Variants in CPAMD8 observed in about 807,000 individuals in gnomAD.
The protein encoded by CPAMD8 is C3 and PZP-like alpha-2-macroglobulin domain-containing protein 8.
A neutral mutation model predicts 224.7 loss-of-function variants in CPAMD8; 146 were observed. The observed-to-expected ratio is 0.65, with a 90% confidence interval of 0.57 to 0.75. The LOEUF (loss-of-function observed/expected upper bound fraction) is 0.75. Ranked by LOEUF, CPAMD8 falls within the 30% of genes least tolerant of loss-of-function variation. CPAMD8 has a pLI of 0.00. For missense variants in CPAMD8, 2,301 were observed against 2,537.5 expected (o/e 0.91, Z 2.00); for synonymous variants, 966 against 1,044.6 (o/e 0.92, Z 1.45).
In CPAMD8 at chr19:16,904,324, G is replaced by C; in HGVS notation, c.4153C>G (p.Leu1385Val). ...ACGTCACCCAGCAGAGTGTAGGTCA[G>C]AAGGGCGTAGGCTGTCATTTCCACC... ...AEVEMTAYAL[L>V]TYTLLGDVAA... Residue 1385 changes from leucine to valine, a missense_variant, in exon 32 of 42, where the codon CTG (leucine) becomes GTG (valine). Leu to Val is a conservative substitution (Grantham distance 32). This residue lies in a region of CPAMD8 where 1,709 missense variants were observed against 1,753.2 expected (regional missense o/e 0.97). Coordinates refer to ENST00000443236, the MANE Select transcript of CPAMD8 (RefSeq NM_015692.5). 1 of 1,613,788 alleles carries C rather than the reference G, an allele frequency of 6.2e-7. No individual in the cohort carries two copies. The highest frequency in any genetic ancestry group is 1.3e-5 in the African/African-American group (1 of 75,026).
intron 34 of CPAMD8, 110 bp downstream of exon 34, chr19:16,903,451 C>T (rs377151451): frequency 6.7e-6 from 10 of 1,499,636 alleles, no homozygotes; most frequent in African/African-American, 2.8e-5. Flanking sequence ...GTCTGGCATG[C>T]TGCTGAGTTC....
Position 16,970,927 on chromosome 19 carries a change from C to A in CPAMD8, c.2177G>T (p.Ser726Ile). ...CCTGGAAGGAGCCACTGCCACCAGG[C>A]TCCCTGTGTGGGGCTGGAAAGCGGG... ...AVPAFQPHTG[S>I]LVAVAPSRHP... is the part of the protein sequence containing the mutation. The change falls in exon 18 of 42, where the codon AGC becomes ATC. Residue 726 changes from serine (S) to isoleucine (I), a missense_variant. This residue lies in a region of CPAMD8 where 1,709 missense variants were observed against 1,753.2 expected (regional missense o/e 0.97). Transcript: ENST00000443236. 1 of 1,613,972 alleles carries A rather than the reference C, an allele frequency of 6.2e-7. No individual in the cohort carries two copies. The highest frequency in any genetic ancestry group is 8.5e-7 in the Non-Finnish European group (1 of 1,179,972).
rs764886562 is a variant in CPAMD8 at position 16,928,205 on chromosome 19, C to T, written c.3174G>A (p.Glu1058=). 7 of 1,613,992 alleles carry T rather than the reference C, an allele frequency of 4.3e-6. No individual in the cohort carries two copies. Among genetic ancestry groups the T allele is most frequent in the Middle Eastern group, 3.3e-4 (2 of 6,062 alleles). Residue 1058 remains glutamate, a synonymous_variant, in exon 25 of 42, where the codon GAG becomes GAA. Coordinates refer to ENST00000443236, the MANE Select transcript of CPAMD8 (RefSeq NM_015692.5). The part of the protein sequence containing the change: ...QVGHGPEPSN[E]SVIVAWTLPR... Reference sequence around the variant, plus strand: ...GGAGGGTCCAGGCCACAATGACAGACTCATTGGATGGCTCTGGACCATGGC... The same window carrying T: ...GGAGGGTCCAGGCCACAATGACAGATTCATTGGATGGCTCTGGACCATGGC...
chr19:16,953,107 C>T (rs1045203509), intron 19 of CPAMD8, among the ~76,000 whole-genome samples: 3 of 152,100 alleles, frequency 2.0e-5, no homozygotes, highest in Admixed American at 2.0e-4. Flanking sequence ...CATCAAGATA[C>T]TTTAGGGAAA....
chr19:16,993,450 G>C lies in CPAMD8; in HGVS notation c.1232C>G (p.Ser411Cys). 1 of 1,613,856 alleles carries C rather than the reference G, an allele frequency of 6.2e-7. No individual in the cohort carries two copies. Among genetic ancestry groups the C allele is most frequent in the Non-Finnish European group, 8.5e-7 (1 of 1,179,800 alleles). The change falls in exon 12 of 42, where the codon TCC (serine) becomes TGC (cysteine). Residue 411 changes from serine (S) to cysteine (C), a missense_variant. Physicochemically the swap from Ser to Cys is moderately radical, Grantham distance 112. Coordinates refer to ENST00000443236, the MANE Select transcript of CPAMD8 (RefSeq NM_015692.5). Reference sequence around the variant, plus strand: ...CACGTGCTGGGCTGACGTGGGGATGGAGGGGATTTCAAACCCCACTAGTCC... The same window carrying C: ...CACGTGCTGGGCTGACGTGGGGATGCAGGGGATTTCAAACCCCACTAGTCC... ...QRGLVGFEIP[S>C]IPTSAQHVWL...
intron 18 of CPAMD8, among the ~76,000 whole-genome samples, chr19:16,968,142 G>A (rs973217386): frequency 3.9e-5 from 6 of 152,028 alleles, no homozygotes; most frequent in African/African-American, 7.2e-5. Flanking sequence ...CAGGGCCTCT[G>A]GGGTGGCTGC....
intron 23 of CPAMD8, among the ~76,000 whole-genome samples, chr19:16,935,163 C>T (rs896435977): frequency 2.6e-5 from 4 of 152,276 alleles, no homozygotes; most frequent in Admixed American, 1.3e-4. Context: ...ATTCAGAGAG[C>T]TCTCTGTACC....
chr19:17,024,736 C>G (rs554591128), intron 1 of CPAMD8, among the ~76,000 whole-genome samples: 122 of 152,352 alleles, frequency 8.0e-4, no homozygotes, highest in African/African-American at 2.9e-3. Context: ...TGACCCACCC[C>G]TAGCATCTGG....
chr19:16,983,754 C>T (rs2055602543), intron 13 of CPAMD8, among the ~76,000 whole-genome samples: 1 of 152,108 alleles, frequency 6.6e-6, no homozygotes, highest in Non-Finnish European at 1.5e-5. Flanking sequence ...ACACTGATGT[C>T]CAGTGTTGAT....
intron 22 of CPAMD8, among the ~76,000 whole-genome samples, chr19:16,944,874 G>A (rs1049622994): frequency 1.4e-5 from 2 of 141,712 alleles, no homozygotes; most frequent in South Asian, 2.1e-4. Flanking sequence ...GAGTCCCTTC[G>A]GGCTGCTGTT....
At chr19:16,992,497 G>C (rs561447656) in intron 12 of CPAMD8, among the ~76,000 whole-genome samples, 1 of 152,214 alleles carries the variant, frequency 6.6e-6, no homozygotes, top group Admixed American at 6.5e-5. Context: ...TGTTGCCTAG[G>C]CTGGGGTGCA....
intron 1 of CPAMD8, among the ~76,000 whole-genome samples, chr19:17,023,309 G>T (rs2057004939): frequency 6.6e-6 from 1 of 152,022 alleles, no homozygotes; most frequent in African/African-American, 2.4e-5. Flanking sequence ...GCCCTTAGGG[G>T]ACCTGACCTG....
chr19:16,934,455 AT>A (rs2053629682), intron 23 of CPAMD8, among the ~76,000 whole-genome samples: 1 of 152,168 alleles, frequency 6.6e-6, no homozygotes, highest in African/African-American at 2.4e-5. Flanking sequence ...ATGTTCCAAA[AT>A]GTTCCATAAC....
intron 13 of CPAMD8, among the ~76,000 whole-genome samples, chr19:16,983,529 G>C (rs2055590999): frequency 6.6e-6 from 1 of 152,104 alleles, no homozygotes; most frequent in South Asian, 2.1e-4. Context: ...GCAAGACCCT[G>C]TCTCAAAAAT....
chr19:17,009,070 C>T (rs1446667510), intron 6 of CPAMD8: 1 of 582,488 alleles, frequency 1.7e-6, no homozygotes, highest in East Asian at 3.1e-5. Flanking sequence ...GCAATCCAGC[C>T]TGGGTGATAG....
intron 10 of CPAMD8, among the ~76,000 whole-genome samples, chr19:16,997,938 A>ACT (rs1296020276): frequency 6.6e-6 from 1 of 152,178 alleles, no homozygotes; most frequent in Non-Finnish European, 1.5e-5. Context: ...GGGGCACCAG[A>ACT]ACTCCCTCAT....
At chr19:16,958,015 T>G in intron 18 of CPAMD8, 100 bp from the exon 19 acceptor site, 18 of 1,022,508 alleles carry the variant, frequency 1.8e-5, no homozygotes, top group Non-Finnish European at 2.5e-5. Context: ...TATAACGCGT[T>G]AATTTCTTTT....
rs539067350 is a variant in CPAMD8 at position 16,992,096 on chromosome 19, C to G, written c.1266+1320G>C. Among the ~76,000 whole-genome samples, 8 of 152,290 alleles carry G rather than the reference C, an allele frequency of 5.3e-5. No individual in the cohort carries two copies. In the South Asian group the frequency reaches 6.2e-4, roughly 12 times the overall value. ...AGGGCCGCCAGGTCCACTGCCAGTT[C>G]CCAAAGCCAAGGGCTGGGACATCCT... On this transcript the variant is annotated intron_variant, in intron 12 of 41. Coordinates refer to ENST00000443236, the MANE Select transcript of CPAMD8 (RefSeq NM_015692.5).
intron 27 of CPAMD8, among the ~76,000 whole-genome samples, chr19:16,915,470 CAGTGTGAGCTG>C (rs1282525669): frequency 6.6e-6 from 1 of 152,210 alleles, no homozygotes; most frequent in East Asian, 1.9e-4. Context: ...CCCAGCCCTG[CAGTGTGAGCTG>C]ATGTTCAGAA....
Sources: allele counts gnomAD v4.1 joint callset (sites outside exome capture counted in the v4.1 genomes callset), GRCh38; gene constraint gnomAD v4.1.1; regional missense constraint gnomAD v4.1.1; transcripts MANE v1.5; gene names NCBI Gene and HGNC (gene_info 2026-07-23, HGNC 2026-07-21).